Variants in PLXND1 observed in about 807,000 individuals in gnomAD.
PLXND1 encodes the protein plexin D1.
PLXND1 carries 54 observed loss-of-function variants against 197.7 expected under a neutral mutation model. The ratio of observed to expected loss-of-function variants is 0.27; its 90% CI spans 0.22 to 0.34. The LOEUF is 0.34. Ranked by LOEUF, PLXND1 falls within the 10% of genes least tolerant of loss-of-function variation. The pLI is 1.00. For synonymous variants in PLXND1, 1,180 were observed against 1,161.2 expected, an observed-to-expected ratio of 1.02 and a Z score of -0.33; for missense variants, 2,127 against 2,699.2, an observed-to-expected ratio of 0.79 and a Z score of 4.70.
In PLXND1 at chr3:129,571,280, G is replaced by C. The variant is rs1197053576; in HGVS notation, c.3360C>G (p.Thr1120=). 6.2e-7 allele frequency: 1 copy of C among 1,613,508 alleles called. No homozygotes were observed. The highest frequency in any genetic ancestry group is 8.5e-7 in the Non-Finnish European group (1 of 1,179,726). The stretch of plus-strand genomic sequence containing the variant: ...CCCCGGGGGACGGGCAGGTGATGAG[G>C]GTGGAGTTGAGAACCTTGCAGAGCT... The part of the protein sequence containing the change: ...EPTLCKVLNS[T]LITCPSPGAL... The change falls in exon 18 of 36, where the codon ACC becomes ACG. Residue 1120 remains threonine, a synonymous_variant. Coordinates refer to ENST00000324093, the MANE Select transcript of PLXND1 (RefSeq NM_015103.3).
intron 1 of PLXND1, among the ~76,000 whole-genome samples, chr3:129,603,744 C>T (rs1453400206): frequency 3.9e-5 from 6 of 152,172 alleles, no homozygotes; most frequent in African/African-American, 4.8e-5. Flanking sequence ...GTGTTGGGCC[C>T]GCCCACAGAG....
In PLXND1 at chr3:129,571,898, G is replaced by A. The variant is rs114394727; in HGVS notation, c.3078-54C>T. 3.0e-4 allele frequency: 453 copies of A among 1,518,450 alleles called. 5 individuals carry two copies. In the African/African-American group the frequency reaches 5.1e-3, roughly 17 times the overall value. The allele number at this position is 1,518,450 out of a possible 1,614,324, so 94.1% of individuals were successfully genotyped here. A position where few individuals can be genotyped will look rare whatever the true frequency, so the allele number is the denominator to read the frequency against. ...GCCTGCCTTCTGCTGCTCACCCACCGCCAATGCCCCTGAGACCTGGGGCAC... is the reference window on the plus strand; with the variant it reads ...GCCTGCCTTCTGCTGCTCACCCACCACCAATGCCCCTGAGACCTGGGGCAC... On this transcript the variant is annotated intron_variant, in intron 15 of 35. Coordinates refer to ENST00000324093, the MANE Select transcript of PLXND1 (RefSeq NM_015103.3).
At chr3:129,595,375 AG>A (rs1267502114) in intron 1 of PLXND1, among the ~76,000 whole-genome samples, 3 of 152,224 alleles carry the variant, frequency 2.0e-5, no homozygotes, top group Non-Finnish European at 4.4e-5. Context: ...CTCTGGCAGC[AG>A]CCCCCATGCC....
chr3:129,600,206 G>A (rs62267580), intron 1 of PLXND1, among the ~76,000 whole-genome samples: 14,698 of 152,008 alleles, frequency 0.097, 932 homozygotes, highest in East Asian at 0.26. Context: ...GCACCCAGGC[G>A]TCTCACCCAC....
At chr3:129,594,311 T>C (rs1284318186) in intron 1 of PLXND1, among the ~76,000 whole-genome samples, 2 of 152,054 alleles carry the variant, frequency 1.3e-5, no homozygotes, top group African/African-American at 4.8e-5. Flanking sequence ...CATGATCACT[T>C]TGGGGTATTA....
In PLXND1 at chr3:129,577,819, G is replaced by A. The variant is rs2085334944; in HGVS notation, c.2346+510C>T. The stretch of plus-strand genomic sequence containing the variant: ...AAGCACAAGTCCAGCCCTGTGTTGT[G>A]TGATCTGGCGTCATCTACTTTTCCT... On this transcript the variant is annotated intron_variant, in intron 9 of 35. Coordinates refer to ENST00000324093, the MANE Select transcript of PLXND1 (RefSeq NM_015103.3). The surrounding 1 kb of genome is among the most constrained non-coding windows in gnomAD (Gnocchi z 5.0). Among the ~76,000 whole-genome samples the A allele has an allele frequency of 6.6e-6, 1 of 152,230 alleles. No homozygotes were observed. The highest frequency in any genetic ancestry group is 1.5e-5 in the Non-Finnish European group (1 of 68,034).
chr3:129,566,081 C>CGTCGTAAGCACTGGCTGTT, intron 23 of PLXND1, 64 bp from the exon 24 acceptor site: 1 of 1,586,520 alleles, frequency 6.3e-7, no homozygotes, highest in Non-Finnish European at 8.6e-7. Context: ...GCCTAACAGC[C>CGTCGTAAGCACTGGCTGTT]AGTGCTTACG....
Position 129,605,284 on chromosome 3 carries a change from CCCGCCG to C in PLXND1, c.1311+39_1311+44del, listed in dbSNP as rs3832259. On this transcript the variant is annotated intron_variant, in intron 1 of 35. Coordinates refer to ENST00000324093, the MANE Select transcript of PLXND1 (RefSeq NM_015103.3). Reference sequence around the variant, plus strand: ...GTTCCCGCCCGCCCCCGCCCCCGCCCCCGCCGCCGCCGCCGCCGCCGCCGCCGCCAC... The same window carrying C: ...GTTCCCGCCCGCCCCCGCCCCCGCCCCCGCCGCCGCCGCCGCCGCCGCCAC... The C allele has an allele frequency of 4.9e-4, 386 of 783,922 alleles. 3 individuals are homozygous for C. In the East Asian group the frequency reaches 6.3e-3, roughly 13 times the overall value. 48.6% of individuals were successfully genotyped at this position (783,922 alleles called of 1,614,324 possible).
At chr3:129,562,372 T>C (rs2085074492) in intron 27 of PLXND1, 1 of 218,782 alleles carries the variant, frequency 4.6e-6, no homozygotes, top group Non-Finnish European at 8.5e-6. Context: ...TAGCTGGATG[T>C]GGTGGTGCAC....
At chr3:129,589,320 A>AAC in intron 2 of PLXND1, 31 bp downstream of exon 2, 2 of 343,182 alleles carry the variant, frequency 5.8e-6, no homozygotes, top group Non-Finnish European at 1.1e-5. Flanking sequence ...TCCCACCCCC[A>AAC]CCCCCTCCCC....
In PLXND1 at chr3:129,555,728, G is replaced by C; in HGVS notation, c.*584C>G. ...AGAAGCCCACAGAGCACCCCATGGC[G>C]CGGGCACTGCCCACTCTACCAACAG... On this transcript the variant is annotated 3_prime_UTR_variant, in exon 36 of 36. Transcript: ENST00000324093. 1 of 508,880 alleles carries C rather than the reference G, an allele frequency of 2.0e-6. No individual in the cohort carries two copies. 31.5% of individuals were successfully genotyped at this position (508,880 alleles called of 1,614,324 possible). A position where few individuals can be genotyped will look rare whatever the true frequency, so the allele number is the denominator to read the frequency against.
rs1578296306 is a variant in PLXND1, at chr3:129,555,441, T to C, written c.*871A>G. On this transcript the variant is annotated 3_prime_UTR_variant, in exon 36 of 36. Coordinates refer to ENST00000324093, the MANE Select transcript of PLXND1 (RefSeq NM_015103.3). The stretch of plus-strand genomic sequence containing the variant: ...CTGCCCGCTCTCTGGAACAGTCATT[T>C]CCAGTGTTGCATGGGGAGCCTCTCG... The C allele has an allele frequency of 1.5e-6, 1 of 669,920 alleles. No homozygotes were observed. The highest frequency in any genetic ancestry group is 2.7e-6 in the Non-Finnish European group (1 of 376,552). The allele number at this position is 669,920 out of a possible 1,614,324, so 41.5% of individuals were successfully genotyped here.
In PLXND1 at chr3:129,569,865, G is replaced by A. The variant is rs768004846; in HGVS notation, c.3843C>T (p.Val1281=). 1.9e-6 allele frequency: 3 copies of A among 1,601,684 alleles called. No homozygotes were observed. In the South Asian group the frequency reaches 3.3e-5, roughly 18 times the overall value. ...TACCCACCACGGAGAGCAGCAGCAGGACGCTGCAGATGACGATGGACACGA... is the reference window on the plus strand; with the variant it reads ...TACCCACCACGGAGAGCAGCAGCAGAACGCTGCAGATGACGATGGACACGA... ...AIIVSIVICS[V]LLLLSVVALF... Residue 1281 remains valine, a synonymous_variant, in exon 20 of 36, where the codon GTC becomes GTT. Coordinates refer to ENST00000324093, the MANE Select transcript of PLXND1 (RefSeq NM_015103.3).
Position 129,565,511 on chromosome 3 carries a change from G to T in PLXND1, c.4350C>A (p.Ile1450=). 1 of 1,613,732 alleles carries T rather than the reference G, an allele frequency of 6.2e-7. No homozygotes were observed. The highest frequency in any genetic ancestry group is 8.5e-7 in the Non-Finnish European group (1 of 1,179,930). The change falls in exon 25 of 36, where the codon ATC becomes ATA. Residue 1450 remains isoleucine (I), a synonymous_variant. Transcript: ENST00000324093. ...AGTACTCCAGCTTGCCGTGCAGCGC[G>T]ATGGTCAGCAGCGAGGCCAGGCTGC... is the stretch of plus-strand genomic sequence containing the variant. ...DRCSLASLLT[I]ALHGKLEYYT... is the part of the protein sequence containing the mutation.
intron 1 of PLXND1, among the ~76,000 whole-genome samples, chr3:129,597,737 G>A (rs902796366): frequency 2.6e-5 from 4 of 152,246 alleles, no homozygotes; most frequent in African/African-American, 9.6e-5. Context: ...CTGTCTGGGC[G>A]GTCTGTTTGG....
chr3:129,558,624 C>T lies in PLXND1; in HGVS notation c.5298-49G>A, dbSNP rs374707572. 2.5e-6 allele frequency: 4 copies of T among 1,578,184 alleles called. No individual in the cohort carries two copies. The highest frequency in any genetic ancestry group is 1.7e-4 in the Middle Eastern group (1 of 5,930). ...AGTGAGGGTAGGGTGGGGTAGGAAG[C>T]AGTCGAGGGACAGTTGTGGAGGAGA... On this transcript the variant is annotated intron_variant, in intron 32 of 35. Coordinates refer to ENST00000324093, the MANE Select transcript of PLXND1 (RefSeq NM_015103.3). The surrounding 1 kb of genome is among the most constrained non-coding windows in gnomAD (Gnocchi z 4.1).
intron 1 of PLXND1, among the ~76,000 whole-genome samples, chr3:129,599,812 G>A (rs182653266): frequency 1.5e-4 from 23 of 152,120 alleles, no homozygotes; most frequent in Non-Finnish European, 2.4e-4. Context: ...TCCCCACCAC[G>A]GAGAGCTCAC....
At chr3:129,604,520 G>C (rs2085756067) in intron 1 of PLXND1, among the ~76,000 whole-genome samples, 1 of 152,164 alleles carries the variant, frequency 6.6e-6, no homozygotes, top group African/African-American at 2.4e-5. Context: ...TGAGAACTGG[G>C]AATTGTGACA....
At position 129,574,324 on chromosome 3, in the gene PLXND1, G is replaced by T; in HGVS notation, c.2685+12C>A. 1 of 1,585,382 alleles carries T rather than the reference G, an allele frequency of 6.3e-7. No homozygotes were observed. Among genetic ancestry groups the T allele is most frequent in the South Asian group, 1.1e-5 (1 of 87,540 alleles). ...AGTGCGGGTGCCACGTGCCTCCACT[G>T]GGCATGCTTACCGCGTGGATCTCGG... On this transcript the variant is annotated intron_variant, in intron 12 of 35. Transcript: ENST00000324093.
Sources: gnomAD v4.1 joint callset for allele counts (sites outside exome capture counted in the v4.1 genomes callset) on GRCh38, gnomAD v4.1.1 for gene constraint, Gnocchi (gnomAD v3.1) non-coding constraint, MANE v1.5 for transcripts, NCBI Gene and HGNC (gene_info 2026-07-23, HGNC 2026-07-21) for gene names.